Variants in EMC1 observed in about 807,000 individuals in gnomAD.
The protein encoded by EMC1 is ER membrane protein complex subunit 1.
A neutral mutation model predicts 128.8 loss-of-function variants in EMC1; 103 were observed. That is an observed-to-expected ratio of 0.80 (90% confidence interval 0.68 to 0.94). The LOEUF (loss-of-function observed/expected upper bound fraction) is 0.94, where lower values mean the gene tolerates loss of function less well. Ranked by LOEUF, EMC1 falls within the 40% of genes least tolerant of loss-of-function variation. The pLI is 0.00. For missense variants in EMC1, 1,083 were observed against 1,250.6 expected, an observed-to-expected ratio of 0.87 and a Z score of 2.02; for synonymous variants, 442 against 490.4, an observed-to-expected ratio of 0.90 and a Z score of 1.30.
Position 19,223,535 on chromosome 1 carries a change from T to A in EMC1, c.2237A>T (p.Glu746Val). 1 of 1,614,150 alleles carries A rather than the reference T, an allele frequency of 6.2e-7. No homozygotes were observed. Among genetic ancestry groups the A allele is most frequent in the Non-Finnish European group, 8.5e-7 (1 of 1,180,032 alleles). Residue 746 changes from glutamate to valine, a missense_variant, in exon 19 of 23, where the codon GAG becomes GTG. By Grantham distance (121) the Glu-to-Val change is moderately radical. Coordinates refer to ENST00000477853, the MANE Select transcript of EMC1 (RefSeq NM_015047.3). ...GCGCTCATGGTGCGCGTCTGTGCTC[T>A]CTGTCACCACGGCCAGCAGGTTGGG... ...LNPNLLAVVT[E>V]STDAHHERTF...
intron 14 of EMC1, 64 bp downstream of exon 14, chr1:19,232,872 G>A: frequency 6.2e-7 from 1 of 1,604,658 alleles, no homozygotes; most frequent in Non-Finnish European, 8.5e-7. Flanking sequence ...CTCACTGAAG[G>A]CTTTTTGTTC....
At chr1:19,235,530 T>C (rs11809076) in intron 12 of EMC1, among the ~76,000 whole-genome samples, 17,849 of 151,936 alleles carry the variant, frequency 0.12, 1,140 homozygotes, top group African/African-American at 0.16. Flanking sequence ...GTGAAACCCC[T>C]CTCTACTAAA....
intron 16 of EMC1, 136 bp downstream of exon 16, chr1:19,231,125 T>C: frequency 7.6e-7 from 1 of 1,315,534 alleles, no homozygotes; most frequent in Non-Finnish European, 1.1e-6. Flanking sequence ...CAGCCATCAT[T>C]TCTCTTCGGG....
At chr1:19,240,827 A>T (rs1160255985) in intron 6 of EMC1, 189 bp downstream of exon 6, 2 of 657,516 alleles carry the variant, frequency 3.0e-6, no homozygotes, top group Middle Eastern at 6.1e-4. Context: ...ACCCCAGAAG[A>T]TAACACATGC....
Position 19,219,197 on chromosome 1 carries a change from G to T in EMC1, c.*106C>A. 9.0e-7 allele frequency: 1 copy of T among 1,107,108 alleles called. No homozygotes were observed. The highest frequency in any genetic ancestry group is 1.3e-6 in the Non-Finnish European group (1 of 746,628). The allele number at this position is 1,107,108 out of a possible 1,614,324, so 68.6% of individuals were successfully genotyped here. A position where few individuals can be genotyped will look rare whatever the true frequency, so the allele number is the denominator to read the frequency against. ...CATCTTCCCTACAGTTCTTAGCTGA[G>T]CACTGACACACACACATACTCCACC... On this transcript the variant is annotated 3_prime_UTR_variant, in exon 23 of 23. Coordinates refer to ENST00000477853, the MANE Select transcript of EMC1 (RefSeq NM_015047.3).
intron 1 of EMC1, 34 bp downstream of exon 1, chr1:19,251,381 A>G (rs1284461466): frequency 1.3e-6 from 2 of 1,584,870 alleles, no homozygotes; most frequent in African/African-American, 2.7e-5. Context: ...GGAAACAGCC[A>G]CTTATCTCTC....
At position 19,216,952 on chromosome 1, in the gene EMC1, A is replaced by C. The variant is rs2093400527; in HGVS notation, c.*2351T>G. The C allele has an allele frequency of 6.6e-6, 1 of 152,252 alleles. No homozygotes were observed. The highest frequency in any genetic ancestry group is 2.4e-5 in the African/African-American group (1 of 41,442). The allele number at this position is 152,252 out of a possible 1,614,324, so 9.4% of individuals were successfully genotyped here. A position where few individuals can be genotyped will look rare whatever the true frequency, so the allele number is the denominator to read the frequency against. On this transcript the variant is annotated 3_prime_UTR_variant, in exon 23 of 23. Coordinates refer to ENST00000477853, the MANE Select transcript of EMC1 (RefSeq NM_015047.3). ...GAGATCCTCCACTATGGCCTCCCAA[A>C]GTGCTGGGATTATAGGCATGAGCCA...
chr1:19,230,243 A>G (rs892969274), intron 17 of EMC1, among the ~76,000 whole-genome samples: 11 of 152,054 alleles, frequency 7.2e-5, no homozygotes, highest in Admixed American at 4.6e-4. Context: ...CTACCCTCCC[A>G]AGAATGGAAA....
At chr1:19,225,820 A>G (rs1455642737) in intron 18 of EMC1, among the ~76,000 whole-genome samples, 1 of 139,020 alleles carries the variant, frequency 7.2e-6, no homozygotes, top group East Asian at 2.1e-4. Flanking sequence ...CCCTGTCTCA[A>G]AAAAAAAAAA....
At chr1:19,234,584 C>T (rs1161328570) in intron 13 of EMC1, among the ~76,000 whole-genome samples, 6 of 152,326 alleles carry the variant, frequency 3.9e-5, no homozygotes, top group Admixed American at 6.5e-5. Flanking sequence ...CAGCAGCTCA[C>T]GCCTGTAATC....
chr1:19,248,235 T>C (rs2093640753), intron 1 of EMC1, among the ~76,000 whole-genome samples: 1 of 152,100 alleles, frequency 6.6e-6, no homozygotes. Flanking sequence ...TCTTACTCTG[T>C]CACCCAGACT....
intron 15 of EMC1, 93 bp from the exon 16 acceptor site, chr1:19,231,515 G>T: frequency 1.5e-6 from 2 of 1,333,634 alleles, no homozygotes; most frequent in Non-Finnish European, 2.0e-6. Flanking sequence ...CTCAACAACT[G>T]TGGGGGTTCT....
At chr1:19,221,039 A>G in intron 20 of EMC1, 191 bp from the exon 21 acceptor site, 1 of 431,980 alleles carries the variant, frequency 2.3e-6, no homozygotes, top group Non-Finnish European at 4.2e-6. Flanking sequence ...ACTTTTGAAG[A>G]CACTGGTTTC....
chr1:19,221,604 C>T (rs1319054185), intron 20 of EMC1: 1 of 149,808 alleles, frequency 6.7e-6, no homozygotes. Flanking sequence ...CCACTGCACT[C>T]CAGCCTGGGT....
chr1:19,250,079 G>A (rs1483932102), intron 1 of EMC1, among the ~76,000 whole-genome samples: 1 of 151,922 alleles, frequency 6.6e-6, no homozygotes, highest in African/African-American at 2.4e-5. Context: ...TTAGCTGGGT[G>A]TGGTGGCGCA....
intron 1 of EMC1, among the ~76,000 whole-genome samples, chr1:19,245,454 T>C (rs1338199389): frequency 6.6e-6 from 1 of 151,760 alleles, no homozygotes; most frequent in Non-Finnish European, 1.5e-5. Flanking sequence ...AAAAAAGAAG[T>C]GTTTGTTAGT....
intron 13 of EMC1, among the ~76,000 whole-genome samples, chr1:19,233,905 C>T (rs367662153): frequency 6.2e-4 from 94 of 152,238 alleles, no homozygotes; most frequent in African/African-American, 2.0e-3. Context: ...TTACATCATA[C>T]GATGTACATA....
chr1:19,247,344 C>T (rs1017774142), intron 1 of EMC1, among the ~76,000 whole-genome samples: 1 of 152,114 alleles, frequency 6.6e-6, no homozygotes, highest in African/African-American at 2.4e-5. Flanking sequence ...CAGCTTTGTA[C>T]ATATACTTTT....
In EMC1 at chr1:19,222,712, GA is replaced by G; in HGVS notation, c.2498del (p.Val833AlafsTer30). The G allele has an allele frequency of 6.2e-7, 1 of 1,614,210 alleles. No individual in the cohort carries two copies. Among genetic ancestry groups the G allele is most frequent in the Non-Finnish European group, 8.5e-7 (1 of 1,180,034 alleles). ...ACGGGAAGATATAGGACTGCTGGAG[GA>G]CCTGGGGCAGCTGGGGGCGGTCCAG... ...SSLDRPQLPQ[V>X]LQQSYIFPSS... On this transcript the variant is annotated frameshift_variant, in exon 20 of 23. Coordinates refer to ENST00000477853, the MANE Select transcript of EMC1 (RefSeq NM_015047.3). LOFTEE classifies it high-confidence loss of function.
Sources: allele counts gnomAD v4.1 joint callset (sites outside exome capture counted in the v4.1 genomes callset), GRCh38; gene constraint gnomAD v4.1.1; transcripts MANE v1.5; gene names NCBI Gene and HGNC (gene_info 2026-07-23, HGNC 2026-07-21).